PTPRG: variants seen among roughly 807,000 people sequenced by gnomAD.
PTPRG encodes the protein protein tyrosine phosphatase receptor type G, also known as receptor-type tyrosine-protein phosphatase gamma.
In PTPRG, 102 loss-of-function variants were observed where a neutral mutation model predicts 165.3. The ratio of observed to expected loss-of-function variants is 0.62; its 90% CI spans 0.53 to 0.73. The LOEUF (loss-of-function observed/expected upper bound fraction) is 0.73. Ranked by LOEUF, PTPRG falls within the 30% of genes least tolerant of loss-of-function variation. The pLI, the probability that PTPRG is intolerant of heterozygous loss-of-function variation, is 0.00. For missense variants in PTPRG, 1,866 were observed against 1,861.4 expected, an observed-to-expected ratio of 1.00 and a Z score of -0.05; for synonymous variants, 675 against 669.5, an observed-to-expected ratio of 1.01 and a Z score of -0.13.
intron 5 of PTPRG, among the ~76,000 whole-genome samples, chr3:62,108,704 C>G (rs1021212120): frequency 6.6e-6 from 1 of 152,200 alleles, no homozygotes; most frequent in Non-Finnish European, 1.5e-5. Context: ...TCTCCAGCAT[C>G]TTTTGTTTCC....
In PTPRG at chr3:61,989,736, A is replaced by G; in HGVS notation, c.302A>G (p.Glu101Gly). ...GCGCGTGTTGGGGAAGAATACCAGG[A>G]ACTGCAACTCGATGGCTTCGACAAT... ...QYARVGEEYQ[E>G]LQLDGFDNES... Residue 101 changes from glutamate to glycine, a missense_variant, in exon 3 of 30, where the codon GAA becomes GGA. Glu to Gly is a moderately conservative substitution (Grantham distance 98). Transcript: ENST00000474889. 6.2e-7 allele frequency: 1 copy of G among 1,614,178 alleles called. No homozygotes were observed. The highest frequency in any genetic ancestry group is 8.5e-7 in the Non-Finnish European group (1 of 1,180,010).
chr3:61,694,008 C>CAA lies in PTPRG; in HGVS notation c.86-54853_86-54852dup, dbSNP rs1163062978. 1.0e-3 allele frequency among the ~76,000 whole-genome samples: 67 copies of CAA among 65,408 alleles called. 1 individual carries two copies. Among genetic ancestry groups the CAA allele is most frequent in the African/African-American group, 2.2e-3 (40 of 17,958 alleles). 42.9% of individuals were successfully genotyped at this position (65,408 alleles called of 152,430 possible). A position where few individuals can be genotyped will look rare whatever the true frequency, so the allele number is the denominator to read the frequency against. The stretch of plus-strand genomic sequence containing the variant: ...GGGTGACACAGTGAGACTCCATCTC[C>CAA]AAAAAAAAAAAAAAAAAAGAGAGAG... On this transcript the variant is annotated intron_variant, in intron 1 of 29. Transcript: ENST00000474889.
chr3:62,140,297 T>C (rs977143445), intron 6 of PTPRG, among the ~76,000 whole-genome samples: 4 of 152,154 alleles, frequency 2.6e-5, no homozygotes, highest in African/African-American at 9.7e-5. Flanking sequence ...AAGAAAAATA[T>C]TGACAAAAGA....
At chr3:62,204,802 A>C (rs1264637905) in intron 12 of PTPRG, among the ~76,000 whole-genome samples, 1 of 152,206 alleles carries the variant, frequency 6.6e-6, no homozygotes, top group African/African-American at 2.4e-5. Flanking sequence ...TGAGATCCTC[A>C]TCTCCTGGTG....
intron 2 of PTPRG, among the ~76,000 whole-genome samples, chr3:61,832,684 T>A (rs1412253034): frequency 6.6e-6 from 1 of 152,090 alleles, no homozygotes; most frequent in Non-Finnish European, 1.5e-5. Flanking sequence ...TTTTACTTAC[T>A]TTTTTAAAAA....
chr3:61,601,978 TG>T (rs1700881693), intron 1 of PTPRG, among the ~76,000 whole-genome samples: 1 of 152,230 alleles, frequency 6.6e-6, no homozygotes, highest in Non-Finnish European at 1.5e-5. Flanking sequence ...AGAGCGTTGC[TG>T]TCAACCTTCA....
intron 1 of PTPRG, among the ~76,000 whole-genome samples, chr3:61,647,841 G>C (rs1446574018): frequency 6.8e-6 from 1 of 147,116 alleles, no homozygotes; most frequent in Non-Finnish European, 1.5e-5. Flanking sequence ...TGACCTTGGA[G>C]CTGGTGCTGC....
At chr3:61,715,823 T>C (rs1390748292) in intron 1 of PTPRG, among the ~76,000 whole-genome samples, 1 of 150,350 alleles carries the variant, frequency 6.7e-6, no homozygotes, top group Non-Finnish European at 1.5e-5. Flanking sequence ...AGATTAGAAA[T>C]GGAATAGGGT....
chr3:61,664,860 A>G (rs567236367), intron 1 of PTPRG, among the ~76,000 whole-genome samples: 60 of 152,294 alleles, frequency 3.9e-4, no homozygotes, highest in African/African-American at 1.4e-3. Context: ...AAATAAAAAA[A>G]ATAAAAAAGC....
intron 2 of PTPRG, among the ~76,000 whole-genome samples, chr3:61,754,325 T>G (rs1430526021): frequency 6.6e-6 from 1 of 152,236 alleles, no homozygotes; most frequent in Non-Finnish European, 1.5e-5. Flanking sequence ...GCACCTGTAG[T>G]ATGTACTTTT....
At chr3:61,947,456 A>G (rs1470740686) in intron 2 of PTPRG, among the ~76,000 whole-genome samples, 1 of 152,254 alleles carries the variant, frequency 6.6e-6, no homozygotes, top group South Asian at 2.1e-4. Context: ...TGCACAGAGT[A>G]TGCAGTGAAG....
At chr3:61,611,674 A>G (rs933841239) in intron 1 of PTPRG, among the ~76,000 whole-genome samples, 3 of 152,172 alleles carry the variant, frequency 2.0e-5, no homozygotes, top group African/African-American at 7.2e-5. Flanking sequence ...AGACATTTTC[A>G]ACTTTGCAGG....
intron 2 of PTPRG, among the ~76,000 whole-genome samples, chr3:61,773,951 T>A (rs576657908): frequency 2.0e-4 from 31 of 152,134 alleles, no homozygotes; most frequent in African/African-American, 7.5e-4. Flanking sequence ...ATTTTTGTGT[T>A]TTTAATAGAG....
intron 7 of PTPRG, among the ~76,000 whole-genome samples, chr3:62,158,628 G>A (rs1256634899): frequency 6.6e-6 from 1 of 152,176 alleles, no homozygotes; most frequent in African/African-American, 2.4e-5. Context: ...GAAACATCCA[G>A]TGTTACCTGT....
At chr3:62,111,039 C>A (rs563159906) in intron 5 of PTPRG, among the ~76,000 whole-genome samples, 1 of 152,142 alleles carries the variant, frequency 6.6e-6, no homozygotes. Context: ...AGCTTTGGAA[C>A]CTTTACACAG....
intron 1 of PTPRG, among the ~76,000 whole-genome samples, chr3:61,563,272 C>T (rs1334197220): frequency 6.6e-6 from 1 of 152,274 alleles, no homozygotes; most frequent in Non-Finnish European, 1.5e-5. Flanking sequence ...GGCTGGCAGA[C>T]CCAGTCTCGC....
intron 2 of PTPRG, among the ~76,000 whole-genome samples, chr3:61,802,038 A>T (rs934060832): frequency 6.6e-6 from 1 of 151,780 alleles, no homozygotes; most frequent in East Asian, 1.9e-4. Flanking sequence ...AAAAAAAAAA[A>T]AAGACTCAGT....
At chr3:61,888,566 T>C (rs1398752858) in intron 2 of PTPRG, among the ~76,000 whole-genome samples, 4 of 152,074 alleles carry the variant, frequency 2.6e-5, no homozygotes, top group Admixed American at 6.6e-5. Context: ...CTCCTGACCT[T>C]GCGATCCGCC....
chr3:61,796,588 T>C (rs956017674), intron 2 of PTPRG, among the ~76,000 whole-genome samples: 9 of 152,168 alleles, frequency 5.9e-5, no homozygotes, highest in Non-Finnish European at 5.9e-5. Context: ...TAGGATAGCA[T>C]GGTGGGGAGG....
Sources: gnomAD v4.1 joint callset for allele counts (sites outside exome capture counted in the v4.1 genomes callset) on GRCh38, gnomAD v4.1.1 for gene constraint, MANE v1.5 for transcripts, NCBI Gene and HGNC (gene_info 2026-07-23, HGNC 2026-07-21) for gene names.